Variants in LYST observed in about 807,000 individuals in gnomAD.
The protein encoded by LYST is lysosomal-trafficking regulator.
Under a neutral mutation model 413.6 loss-of-function variants are expected in LYST, and 192 were observed. That is an observed-to-expected ratio of 0.46 (90% confidence interval 0.41 to 0.52). LYST has a LOEUF of 0.52. Ranked by LOEUF, LYST falls within the 20% of genes least tolerant of loss-of-function variation. The pLI is 0.00. For synonymous variants in LYST, 1,525 were observed against 1,567.3 expected, an observed-to-expected ratio of 0.97 and a Z score of 0.64; for missense variants, 3,815 against 4,499.9, an observed-to-expected ratio of 0.85 and a Z score of 4.35.
At chr1:235,799,068 A>G (rs1337579891) in intron 10 of LYST, among the ~76,000 whole-genome samples, 1 of 152,220 alleles carries the variant, frequency 6.6e-6, no homozygotes, top group Non-Finnish European at 1.5e-5. Context: ...AAAAACACAT[A>G]TTCAGATCAC....
At chr1:235,836,927 T>C (rs2385025) in intron 1 of LYST, among the ~76,000 whole-genome samples, 67,737 of 152,102 alleles carry the variant, frequency 0.45, 16,337 homozygotes, top group African/African-American at 0.61. Flanking sequence ...CTGGAACTAG[T>C]GAATCAATTT....
chr1:235,773,878 TTCC>T lies in LYST; in HGVS notation c.5745_5747del (p.Glu1916del). 3 of 1,612,158 alleles carry T rather than the reference TTCC, an allele frequency of 1.9e-6. No homozygotes were observed. Among genetic ancestry groups the T allele is most frequent in the Non-Finnish European group, 2.5e-6 (3 of 1,178,374 alleles). ...TCCATATCTTCCAGTCAAGCAATAG[TTCC>T]TCTAACAGCTTAACATCTTGGATTA... On this transcript the variant is annotated inframe_deletion, in exon 19 of 53. Transcript: ENST00000389793.
At position 235,860,310 on chromosome 1, in the gene LYST, G is replaced by C. The variant is rs180925104; in HGVS notation, c.-98+6533C>G. 2.3e-3 allele frequency among the ~76,000 whole-genome samples: 343 copies of C among 151,968 alleles called. 2 individuals carry two copies. The highest frequency in any genetic ancestry group is 7.8e-3 in the African/African-American group (325 of 41,428). ...CAACTATGGACAGCCCCCCTAAACT[G>C]GTACATTTGTTATAATCAATGAACC... On this transcript the variant is annotated intron_variant, in intron 1 of 52. Coordinates refer to ENST00000389793, the MANE Select transcript of LYST (RefSeq NM_000081.4).
At chr1:235,851,470 T>C (rs1157908755) in intron 1 of LYST, among the ~76,000 whole-genome samples, 2 of 152,132 alleles carry the variant, frequency 1.3e-5, no homozygotes, top group African/African-American at 2.4e-5. Flanking sequence ...GCTTGGGTGA[T>C]AGGTACACCA....
intron 3 of LYST, among the ~76,000 whole-genome samples, chr1:235,822,129 C>A (rs955914731): frequency 6.6e-6 from 1 of 152,058 alleles, no homozygotes; most frequent in East Asian, 1.9e-4. Context: ...ATAGAGACAG[C>A]TCAAAATGAA....
Position 235,752,173 on chromosome 1 carries a change from T to C in LYST, c.7461-2A>G. On this transcript the variant is annotated splice_acceptor_variant, in intron 26 of 52. Transcript: ENST00000389793. LOFTEE classifies it high-confidence loss of function. Reference sequence around the variant, plus strand: ...AATTTATATTCACTCATGGGAATGCTAAAGATAACAACAAAAGAAGAAAAC... The same window carrying C: ...AATTTATATTCACTCATGGGAATGCCAAAGATAACAACAAAAGAAGAAAAC... The C allele has an allele frequency of 6.3e-7, 1 of 1,599,062 alleles. No homozygotes were observed. The highest frequency in any genetic ancestry group is 1.1e-5 in the South Asian group (1 of 90,556).
rs1037699384 is a variant in LYST, at chr1:235,674,269, C to T, written c.11038+2822G>A. Among the ~76,000 whole-genome samples the T allele has an allele frequency of 3.0e-4, 45 of 152,044 alleles. No homozygotes were observed. The highest frequency in any genetic ancestry group is 8.2e-4 in the African/African-American group (34 of 41,394). On this transcript the variant is annotated intron_variant, in intron 50 of 52. Coordinates refer to ENST00000389793, the MANE Select transcript of LYST (RefSeq NM_000081.4). The surrounding 1 kb of genome is among the most constrained non-coding windows in gnomAD (Gnocchi z 4.1). The stretch of plus-strand genomic sequence containing the variant: ...GTCTGCCCTTGTTTTCATCCCCAAG[C>T]GGATGTATGGTAGTATTGTAGTGGA...
chr1:235,758,549 C>T (rs576787876), intron 23 of LYST, among the ~76,000 whole-genome samples: 23 of 152,266 alleles, frequency 1.5e-4, no homozygotes, highest in African/African-American at 4.8e-4. Flanking sequence ...CTTCTGGAGC[C>T]GTCACTTGTC....
chr1:235,702,725 G>T, intron 45 of LYST, 22 bp downstream of exon 45: 1 of 1,597,700 alleles, frequency 6.3e-7, no homozygotes, highest in Non-Finnish European at 8.6e-7. Flanking sequence ...TGCTGCACTC[G>T]ATTGAAATCC....
rs528923326 is a variant in LYST, at chr1:235,731,314, A to G, written c.8802-137T>C. On this transcript the variant is annotated intron_variant, in intron 34 of 52. Transcript: ENST00000389793. ...AAAACTCCAAATGTTTATATATTTG[A>G]TCAGGGAATGCATATACAAGTAGAA... 69 of 770,508 alleles carry G rather than the reference A, an allele frequency of 9.0e-5. 2 individuals are homozygous for G. The South Asian group carries it at 1.0e-3, about 12-fold the overall frequency. The allele number at this position is 770,508 out of a possible 1,614,324, so 47.7% of individuals were successfully genotyped here.
Position 235,782,106 on chromosome 1 carries a change from A to G in LYST, c.4863-19T>C, listed in dbSNP as rs150288597. The G allele has an allele frequency of 6.9e-4, 1,109 of 1,602,580 alleles. 7 individuals carry two copies. In the African/African-American group the frequency reaches 0.013, roughly 18 times the overall value. Reference sequence around the variant, plus strand: ...AGGCTTCCTACATTAAAAACAAAACAAAGTTAAAGCAATGACTTTAGGAAG... The same window carrying G: ...AGGCTTCCTACATTAAAAACAAAACGAAGTTAAAGCAATGACTTTAGGAAG... On this transcript the variant is annotated intron_variant, in intron 14 of 52. Transcript: ENST00000389793.
intron 1 of LYST, among the ~76,000 whole-genome samples, chr1:235,878,750 G>A (rs1411642732): frequency 6.6e-6 from 1 of 152,156 alleles, no homozygotes; most frequent in African/African-American, 2.4e-5. Context: ...TTCCTGATGG[G>A]ATACAGACAA....
chr1:235,788,101 G>C (rs966090424), intron 13 of LYST, among the ~76,000 whole-genome samples: 6 of 151,980 alleles, frequency 3.9e-5, no homozygotes, highest in African/African-American at 1.4e-4. Flanking sequence ...TTCAGTATTT[G>C]ATCTAAAATC....
At chr1:235,871,659 A>G (rs966357907), upstream of LYST, among the ~76,000 whole-genome samples, 4 of 152,248 alleles carry the variant, frequency 2.6e-5, no homozygotes, top group East Asian at 7.7e-4. Context: ...AGCAAGCACT[A>G]TGTTTAAGGT....
chr1:235,670,893 G>A (rs1274542325), intron 50 of LYST, among the ~76,000 whole-genome samples: 4 of 152,146 alleles, frequency 2.6e-5, no homozygotes, highest in African/African-American at 9.7e-5. Context: ...AAAACTTCCA[G>A]GATGGGAAAT....
rs750398465 is a variant in LYST, at chr1:235,808,544, T to C, written c.2274A>G (p.Gln758=). 1.2e-6 allele frequency: 2 copies of C among 1,614,016 alleles called. No individual in the cohort carries two copies. Among genetic ancestry groups the C allele is most frequent in the Admixed American group, 1.7e-5 (1 of 59,986 alleles). Residue 758 remains glutamine, a synonymous_variant, in exon 5 of 53, where the codon CAA becomes CAG. Transcript: ENST00000389793. ...HCQHLSVTSA[Q]SHVCSHHNQC... The stretch of plus-strand genomic sequence containing the variant: ...GGTTATGATGGCTACATACATGACT[T>C]TGAGCTGAAGTAACGCTTAGGTGTT...
In LYST at chr1:235,662,996, G is replaced by A; in HGVS notation, c.11350C>T (p.Gln3784Ter). ...TVIAWCRKDQQRLKQPMFYSF... is the reference protein window; with the variant it reads ...TVIAWCRKDQ ...TAGAACATTGGCTGTTTCAAGCGCTGCTGGTCCTTCCGACACCAGGCAATC... is the reference window on the plus strand; with the variant it reads ...TAGAACATTGGCTGTTTCAAGCGCTACTGGTCCTTCCGACACCAGGCAATC... Residue 3784 changes from glutamine to a stop codon, truncating the protein, a stop_gained, in exon 53 of 53, where the codon CAG becomes TAG. Transcript: ENST00000389793. LOFTEE classifies it high-confidence loss of function. The A allele has an allele frequency of 6.2e-7, 1 of 1,613,800 alleles. No homozygotes were observed. The highest frequency in any genetic ancestry group is 8.5e-7 in the Non-Finnish European group (1 of 1,179,722).
At chr1:235,707,410 G>A (rs1487853148) in intron 44 of LYST, among the ~76,000 whole-genome samples, 1 of 152,034 alleles carries the variant, frequency 6.6e-6, no homozygotes, top group Non-Finnish European at 1.5e-5. Context: ...TGGATCACGA[G>A]GTCAGGAGTT....
chr1:235,858,810 G>A (rs1679509996), intron 1 of LYST, among the ~76,000 whole-genome samples: 1 of 152,026 alleles, frequency 6.6e-6, no homozygotes, highest in Non-Finnish European at 1.5e-5. Flanking sequence ...GGGTGGGGAA[G>A]GGGAGTGGTC....
Sources: gnomAD v4.1 joint callset for allele counts (sites outside exome capture counted in the v4.1 genomes callset) on GRCh38, gnomAD v4.1.1 for gene constraint, Gnocchi (gnomAD v3.1) non-coding constraint, MANE v1.5 for transcripts, NCBI Gene and HGNC (gene_info 2026-07-23, HGNC 2026-07-21) for gene names.